The following FBXO34 variants were observed in gnomAD, a reference collection of about 807,000 sequenced individuals.
The protein encoded by FBXO34 is F-box protein 34, also known as F-box only protein 34.
FBXO34 carries 12 observed loss-of-function variants against 24.5 expected under a neutral mutation model. That is an observed-to-expected ratio of 0.49 (90% CI 0.31 to 0.79). The LOEUF (loss-of-function observed/expected upper bound fraction) is 0.79, where lower values mean the gene tolerates loss of function less well. FBXO34 is among the 30% of genes least tolerant of loss of function. The probability of loss-of-function intolerance (pLI) is 0.04; values close to 1 mark genes in which losing one functional copy is unlikely to be tolerated. For missense variants in FBXO34, 823 were observed against 857.7 expected (o/e 0.96, Z 0.51); for synonymous variants, 320 against 311.9 (o/e 1.03, Z -0.27).
chr14:55,363,943 A>G (rs1384355389), downstream of FBXO34, among the ~76,000 whole-genome samples: 1 of 134,006 alleles, frequency 7.5e-6, no homozygotes, highest in South Asian at 2.5e-4. Flanking sequence ...ACCTTCTGCC[A>G]ATTTTCTTTT....
intron 1 of FBXO34, among the ~76,000 whole-genome samples, chr14:55,333,510 A>G (rs1883668782): frequency 6.6e-6 from 1 of 152,234 alleles, no homozygotes; most frequent in African/African-American, 2.4e-5. Flanking sequence ...GAAGTAATTA[A>G]TAAAACCTTG....
the FBXO34 span, among the ~76,000 whole-genome samples, chr14:55,400,747 A>T: frequency 6.6e-6 from 1 of 152,092 alleles, no homozygotes; most frequent in South Asian, 2.1e-4. Context: ...TACTAAAAAT[A>T]CAAAAAATTA....
chr14:55,359,460 T>C (rs1363378049), intron 3 of FBXO34, among the ~76,000 whole-genome samples: 1 of 152,226 alleles, frequency 6.6e-6, no homozygotes, highest in African/African-American at 2.4e-5. Context: ...AAGTGTACAA[T>C]AGCATTATGT....
chr14:55,382,088 C>T, the FBXO34 span: 1 of 1,614,150 alleles, frequency 6.2e-7, no homozygotes, highest in Non-Finnish European at 8.5e-7. Context: ...TCGTCACAGA[C>T]CCATCGTCCT....
downstream of FBXO34, among the ~76,000 whole-genome samples, chr14:55,363,996 C>A (rs1180509689): frequency 1.3e-5 from 2 of 151,550 alleles, no homozygotes; most frequent in Non-Finnish European, 2.9e-5. Flanking sequence ...CCAGGCTGGA[C>A]TGCAATGGTG....
chr14:55,326,293 A>G (rs920400717), intron 1 of FBXO34, among the ~76,000 whole-genome samples: 2 of 152,184 alleles, frequency 1.3e-5, no homozygotes, highest in African/African-American at 4.8e-5. Context: ...AAAGACAACT[A>G]GTAGGGAAGA....
At chr14:55,287,630 T>C (rs1359600683) in intron 1 of FBXO34, among the ~76,000 whole-genome samples, 5 of 152,110 alleles carry the variant, frequency 3.3e-5, no homozygotes, top group African/African-American at 4.8e-5. Flanking sequence ...TCTAGACTTT[T>C]TGTTTGTTTG....
In FBXO34 at chr14:55,323,483, A is replaced by G. The variant is rs547923229; in HGVS notation, c.-10-26898A>G. The stretch of plus-strand genomic sequence containing the variant: ...CTGCGGTCTTCGAGTCTGTGATTCA[A>G]GTGATTCTCCTGCCTCAGCCTCCCG... On this transcript the variant is annotated intron_variant, in intron 1 of 1. Coordinates refer to ENST00000313833, the MANE Select transcript of FBXO34 (RefSeq NM_017943.4). Among the ~76,000 whole-genome samples the G allele has an allele frequency of 1.7e-3, 258 of 151,580 alleles. 1 individual carries two copies. Among genetic ancestry groups the G allele is most frequent in the African/African-American group, 6.1e-3 (251 of 41,202 alleles).
chr14:55,325,216 T>C (rs148199837), intron 1 of FBXO34, among the ~76,000 whole-genome samples: 75 of 152,360 alleles, frequency 4.9e-4, no homozygotes, highest in Non-Finnish European at 8.2e-4. Context: ...TTTAGCAGCA[T>C]TGGGCTTGCA....
the FBXO34 span, chr14:55,411,469 G>T: frequency 1.1e-6 from 1 of 896,230 alleles, no homozygotes; most frequent in Non-Finnish European, 1.7e-6. Context: ...AGAGCAGCTA[G>T]CTACACTCCC....
At chr14:55,398,578 A>G in the FBXO34 span, among the ~76,000 whole-genome samples, 1 of 152,200 alleles carries the variant, frequency 6.6e-6, no homozygotes, top group Admixed American at 6.5e-5. Context: ...TTTTCTAGGT[A>G]GCTTACTGTT....
chr14:55,402,814 C>T, the FBXO34 span, among the ~76,000 whole-genome samples: 504 of 133,054 alleles, frequency 3.8e-3, 4 homozygotes, highest in Admixed American at 6.4e-3. Flanking sequence ...AATCTCAACA[C>T]TTTAGGGAGC....
At chr14:55,434,936 C>G in the FBXO34 span, among the ~76,000 whole-genome samples, 2 of 152,168 alleles carry the variant, frequency 1.3e-5, no homozygotes, top group African/African-American at 4.8e-5. Context: ...CTTTGTACTC[C>G]TAAGTACAGA....
At chr14:55,299,560 A>T (rs1233658884) in intron 1 of FBXO34, among the ~76,000 whole-genome samples, 1 of 152,212 alleles carries the variant, frequency 6.6e-6, no homozygotes, top group Non-Finnish European at 1.5e-5. Flanking sequence ...TCTTTTAAAA[A>T]GATATTTTCC....
chr14:55,315,995 A>G (rs1328662088), intron 1 of FBXO34, among the ~76,000 whole-genome samples: 3 of 151,986 alleles, frequency 2.0e-5, no homozygotes, highest in African/African-American at 7.3e-5. Context: ...TGGTCTTCCA[A>G]TGTTTTTCTC....
chr14:55,385,400 C>G, the FBXO34 span, among the ~76,000 whole-genome samples: 1 of 152,210 alleles, frequency 6.6e-6, no homozygotes, highest in East Asian at 1.9e-4. Context: ...TCAAGCAATT[C>G]TCCTGCCTCA....
rs534051319 is a variant in FBXO34, at chr14:55,316,013, A to G, written c.-10-34368A>G. ...TCTTCCAATGTTTTTCTCCTTTTCTATTGCGTTTTTCATTTCTTTGTATTT... is the reference window on the plus strand; with the variant it reads ...TCTTCCAATGTTTTTCTCCTTTTCTGTTGCGTTTTTCATTTCTTTGTATTT... On this transcript the variant is annotated intron_variant, in intron 1 of 1. Coordinates refer to ENST00000313833, the MANE Select transcript of FBXO34 (RefSeq NM_017943.4). Among the ~76,000 whole-genome samples, 23 of 151,384 alleles carry G rather than the reference A, an allele frequency of 1.5e-4. No individual in the cohort carries two copies. In the South Asian group the frequency reaches 4.4e-3, roughly 29 times the overall value.
chr14:55,307,084 C>T (rs1566548840), intron 1 of FBXO34, among the ~76,000 whole-genome samples: 2 of 152,210 alleles, frequency 1.3e-5, no homozygotes. Flanking sequence ...TTCTGAATTG[C>T]TATGTATATG....
chr14:55,306,831 T>TCAAAACAAAACAAAA (rs397787405), intron 1 of FBXO34, among the ~76,000 whole-genome samples: 141 of 151,126 alleles, frequency 9.3e-4, no homozygotes, highest in Non-Finnish European at 1.3e-3. Flanking sequence ...AGACTCCATC[T>TCAAAACAAAACAAAA]CAAAACAAAA....
Sources: allele counts gnomAD v4.1 joint callset (sites outside exome capture counted in the v4.1 genomes callset), GRCh38; gene constraint gnomAD v4.1.1; transcripts MANE v1.5; gene names NCBI Gene and HGNC (gene_info 2026-07-23, HGNC 2026-07-21).